DCLK1: variants seen among roughly 807,000 people sequenced by gnomAD.
DCLK1 encodes the protein serine/threonine-protein kinase DCLK1.
In DCLK1, 16 loss-of-function variants were observed where a neutral mutation model predicts 86.2. The ratio of observed to expected loss-of-function variants is 0.19; its 90% CI spans 0.13 to 0.28. The LOEUF is 0.28. Ranked by LOEUF, DCLK1 falls within the 10% of genes least tolerant of loss-of-function variation. DCLK1 has a pLI of 1.00. For missense variants in DCLK1, 590 were observed against 940.2 expected, an observed-to-expected ratio of 0.63 and a Z score of 4.87; for synonymous variants, 369 against 370.5, an observed-to-expected ratio of 1.00 and a Z score of 0.05.
At chr13:35,877,323 C>G (rs369048952) in intron 4 of DCLK1, among the ~76,000 whole-genome samples, 4 of 152,200 alleles carry the variant, frequency 2.6e-5, no homozygotes, top group African/African-American at 4.8e-5. Flanking sequence ...ATCCTCCCCC[C>G]ACTCAGAAAC....
intron 3 of DCLK1, among the ~76,000 whole-genome samples, chr13:36,097,122 G>T (rs4350463): frequency 0.16 from 23,871 of 152,162 alleles, 2,168 homozygotes; most frequent in Non-Finnish European, 0.21. Context: ...GACTTAGAAG[G>T]TAGAAAGGAG....
At chr13:35,864,654 C>CT (rs759910103) in intron 5 of DCLK1, among the ~76,000 whole-genome samples, 14,908 of 112,548 alleles carry the variant, frequency 0.13, 1,184 homozygotes, top group African/African-American at 0.18. Context: ...TTTCTTCTCT[C>CT]TTTTTTTTTT....
At chr13:36,088,494 G>C (rs1409182954) in intron 3 of DCLK1, among the ~76,000 whole-genome samples, 1 of 152,238 alleles carries the variant, frequency 6.6e-6, no homozygotes, top group African/African-American at 2.4e-5. Flanking sequence ...TTTGGCCTCA[G>C]CTATGCTGTG....
intron 3 of DCLK1, among the ~76,000 whole-genome samples, chr13:36,034,467 C>T (rs1331337922): frequency 1.3e-5 from 2 of 152,132 alleles, no homozygotes; most frequent in South Asian, 2.1e-4. Context: ...CTAGAAGTGA[C>T]GTGCATTCCT....
chr13:35,819,422 T>TA (rs1213834625), intron 11 of DCLK1, among the ~76,000 whole-genome samples: 1 of 152,164 alleles, frequency 6.6e-6, no homozygotes, highest in Non-Finnish European at 1.5e-5. Context: ...TAAAAAACGC[T>TA]AAAAGTTCTA....
chr13:36,099,361 A>G (rs1885119250), intron 3 of DCLK1, among the ~76,000 whole-genome samples: 1 of 152,258 alleles, frequency 6.6e-6, no homozygotes, highest in Admixed American at 6.5e-5. Flanking sequence ...GCAATGTTAC[A>G]GTGTTTCGGC....
chr13:35,866,941 G>A (rs1383850346), intron 5 of DCLK1, among the ~76,000 whole-genome samples: 2 of 152,166 alleles, frequency 1.3e-5, no homozygotes, highest in African/African-American at 4.8e-5. Flanking sequence ...CCAGAGCAGT[G>A]GAGGGGCCCT....
At chr13:35,896,648 T>C (rs1333507463) in intron 4 of DCLK1, among the ~76,000 whole-genome samples, 2 of 151,836 alleles carry the variant, frequency 1.3e-5, no homozygotes, top group Non-Finnish European at 2.9e-5. Context: ...GTTCGTCTTA[T>C]TGAGGCATCC....
chr13:35,822,249 C>G (rs2087412759), intron 11 of DCLK1, among the ~76,000 whole-genome samples: 1 of 152,042 alleles, frequency 6.6e-6, no homozygotes, highest in South Asian at 2.1e-4. Context: ...CTCCTGGGCT[C>G]AAGAGATCCT....
intron 3 of DCLK1, among the ~76,000 whole-genome samples, chr13:36,087,158 C>A (rs1337719078): frequency 2.0e-5 from 3 of 152,152 alleles, no homozygotes; most frequent in African/African-American, 7.2e-5. Flanking sequence ...GATCGATCGC[C>A]ATTCCAACTG....
At chr13:35,883,176 G>A (rs1334477070) in intron 4 of DCLK1, among the ~76,000 whole-genome samples, 2 of 152,154 alleles carry the variant, frequency 1.3e-5, no homozygotes, top group Non-Finnish European at 2.9e-5. Flanking sequence ...TTTAAGCAAG[G>A]GCAGTTGTTG....
At chr13:35,881,262 A>G (rs559567405) in intron 4 of DCLK1, among the ~76,000 whole-genome samples, 1 of 152,336 alleles carries the variant, frequency 6.6e-6, no homozygotes, top group South Asian at 2.1e-4. Flanking sequence ...CCAGGACTTA[A>G]TAAGTGACAG....
intron 3 of DCLK1, among the ~76,000 whole-genome samples, chr13:36,088,380 T>C (rs1477926939): frequency 6.6e-6 from 1 of 152,222 alleles, no homozygotes. Context: ...GAGAAGAAGC[T>C]GGCTTCTGTA....
At position 36,112,063 on chromosome 13, in the gene DCLK1, G is replaced by T; in HGVS notation, c.529C>A (p.Arg177=). ...GGCCGAATGAAATCCTTATTCTCTC[G>T]CACCTCTGAAGGGCTTCCTTTGGCA... is the stretch of plus-strand genomic sequence containing the variant. ...ATAKGSPSEV[R]ENKDFIRPKL... The change falls in exon 3 of 17, where the codon CGA becomes AGA. Residue 177 remains arginine (R), a synonymous_variant. Transcript: ENST00000360631. 6.2e-7 allele frequency: 1 copy of T among 1,614,118 alleles called. No individual in the cohort carries two copies. The highest frequency in any genetic ancestry group is 1.1e-5 in the South Asian group (1 of 91,080).
chr13:36,120,982 C>A (rs1452506127), intron 2 of DCLK1, among the ~76,000 whole-genome samples: 3 of 152,110 alleles, frequency 2.0e-5, no homozygotes, highest in Non-Finnish European at 4.4e-5. Context: ...AATGCTTGTA[C>A]CTCTCTACCC....
At chr13:36,000,950 A>AT (rs11449048) in intron 3 of DCLK1, among the ~76,000 whole-genome samples, 35,079 of 146,524 alleles carry the variant, frequency 0.24, 4,279 homozygotes, top group Middle Eastern at 0.27. Context: ...TGCATAACTG[A>AT]TTTTTTTTTT....
At chr13:36,068,180 T>C (rs1883836463) in intron 3 of DCLK1, among the ~76,000 whole-genome samples, 1 of 152,238 alleles carries the variant, frequency 6.6e-6, no homozygotes, top group Non-Finnish European at 1.5e-5. Context: ...TTGCTAAGCC[T>C]GTAAAGTCAT....
chr13:36,078,948 C>T (rs958061613), intron 3 of DCLK1, among the ~76,000 whole-genome samples: 2 of 152,028 alleles, frequency 1.3e-5, no homozygotes, highest in East Asian at 1.9e-4. Flanking sequence ...AAGAGAAAAC[C>T]GAGGGGGATG....
chr13:35,910,922 A>AT (rs368677544), intron 4 of DCLK1, among the ~76,000 whole-genome samples: 6 of 152,204 alleles, frequency 3.9e-5, no homozygotes, highest in African/African-American at 1.4e-4. Flanking sequence ...CACTAGAGAG[A>AT]TTTTTTCAAA....
Sources: allele counts gnomAD v4.1 joint callset (sites outside exome capture counted in the v4.1 genomes callset), GRCh38; gene constraint gnomAD v4.1.1; transcripts MANE v1.5; gene names NCBI Gene and HGNC (gene_info 2026-07-23, HGNC 2026-07-21).